The following HS3ST4 variants were observed in gnomAD, a reference collection of about 807,000 sequenced individuals.
HS3ST4 encodes the protein heparan sulfate glucosamine 3-O-sulfotransferase 4.
Under a neutral mutation model 29.2 loss-of-function variants are expected in HS3ST4, and 17 were observed. The observed-to-expected ratio is 0.58, with a 90% CI of 0.40 to 0.87. HS3ST4 has a LOEUF of 0.87. HS3ST4 is among the 40% of genes least tolerant of loss of function. HS3ST4 has a pLI of 0.00. For missense variants in HS3ST4, 627 were observed against 634.5 expected (o/e 0.99, Z 0.13); for synonymous variants, 314 against 285.7 (o/e 1.10, Z -1.00).
At chr16:25,808,475 T>C (rs1395152408) in intron 1 of HS3ST4, among the ~76,000 whole-genome samples, 1 of 152,216 alleles carries the variant, frequency 6.6e-6, no homozygotes, top group East Asian at 1.9e-4. Flanking sequence ...CACTGATTTA[T>C]GTGTTTATCC....
intron 1 of HS3ST4, among the ~76,000 whole-genome samples, chr16:25,812,952 T>C (rs1048125353): frequency 6.6e-6 from 1 of 152,210 alleles, no homozygotes; most frequent in African/African-American, 2.4e-5. Flanking sequence ...AAGAATTTTC[T>C]TGGTTCATGT....
intron 1 of HS3ST4, among the ~76,000 whole-genome samples, chr16:25,791,931 T>C (rs1389215540): frequency 6.6e-6 from 1 of 152,032 alleles, no homozygotes; most frequent in Non-Finnish European, 1.5e-5. Context: ...ACATCTTTAC[T>C]TGTCTCTTAT....
chr16:25,961,985 A>G (rs1204954708), intron 1 of HS3ST4, among the ~76,000 whole-genome samples: 1 of 152,228 alleles, frequency 6.6e-6, no homozygotes, highest in Non-Finnish European at 1.5e-5. Context: ...ATATTTAGAT[A>G]ATAAAAATCT....
intron 1 of HS3ST4, among the ~76,000 whole-genome samples, chr16:26,129,547 A>G (rs1899390147): frequency 6.6e-6 from 1 of 152,360 alleles, no homozygotes; most frequent in Middle Eastern, 3.4e-3. Context: ...TACTGCATTG[A>G]GAACTTACTC....
At chr16:26,046,539 C>A (rs998892834) in intron 1 of HS3ST4, among the ~76,000 whole-genome samples, 25 of 151,984 alleles carry the variant, frequency 1.6e-4, no homozygotes, top group African/African-American at 5.8e-4. Flanking sequence ...ACCTGTGGAC[C>A]CTTCACTTCA....
At chr16:25,693,256 G>T in intron 1 of HS3ST4, 105 bp downstream of exon 1, 1 of 1,271,818 alleles carries the variant, frequency 7.9e-7, no homozygotes, top group Non-Finnish European at 1.0e-6. Context: ...GTCCCGAGAG[G>T]CCCAAGCCCC....
In HS3ST4 at chr16:25,692,636, C is replaced by G. The variant is rs1226362277; in HGVS notation, c.219C>G (p.Ala73=). The part of the protein sequence containing the change: ...LALQESPGAA[A]EPPPSPPPPS... ...TGCAGGAGTCGCCGGGCGCCGCCGC[C>G]GAGCCCCCGCCGAGCCCGCCGCCAC... The change falls in exon 1 of 2, where the codon GCC becomes GCG. Residue 73 remains alanine, a synonymous_variant. Transcript: ENST00000331351. 3 of 1,359,698 alleles carry G rather than the reference C, an allele frequency of 2.2e-6. No homozygotes were observed. The highest frequency in any genetic ancestry group is 2.6e-5 in the Admixed American group (1 of 38,302). The allele number at this position is 1,359,698 out of a possible 1,614,324, so 84.2% of individuals were successfully genotyped here.
intron 1 of HS3ST4, among the ~76,000 whole-genome samples, chr16:25,789,860 A>T (rs1426895742): frequency 6.6e-6 from 1 of 152,204 alleles, no homozygotes; most frequent in Non-Finnish European, 1.5e-5. Flanking sequence ...CTGGTTTAAT[A>T]GTCCCACGTT....
chr16:25,769,291 C>T (rs1448470287), intron 1 of HS3ST4, among the ~76,000 whole-genome samples: 1 of 151,848 alleles, frequency 6.6e-6, no homozygotes, highest in Non-Finnish European at 1.5e-5. Flanking sequence ...TGTGTGTGCC[C>T]ACCATGTCAT....
At chr16:25,787,094 A>G (rs949345247) in intron 1 of HS3ST4, among the ~76,000 whole-genome samples, 6 of 152,216 alleles carry the variant, frequency 3.9e-5, no homozygotes, top group African/African-American at 1.4e-4. Flanking sequence ...TCTATTGGAA[A>G]AGGGTAATTT....
At chr16:25,842,785 G>A (rs2141645524) in intron 1 of HS3ST4, among the ~76,000 whole-genome samples, 1 of 152,232 alleles carries the variant, frequency 6.6e-6, no homozygotes, top group Non-Finnish European at 1.5e-5. Flanking sequence ...CTATTCCTGG[G>A]TGAGTGAGTG....
At chr16:26,019,202 C>T (rs2141745534) in intron 1 of HS3ST4, among the ~76,000 whole-genome samples, 1 of 152,194 alleles carries the variant, frequency 6.6e-6, no homozygotes, top group African/African-American at 2.4e-5. Context: ...ATATGAATGT[C>T]CAGGGGGGCA....
chr16:25,704,231 A>G (rs1966357699), intron 1 of HS3ST4, among the ~76,000 whole-genome samples: 1 of 151,876 alleles, frequency 6.6e-6, no homozygotes, highest in East Asian at 1.9e-4. Context: ...TTTTTCACAT[A>G]CTCTTTTTTT....
intron 1 of HS3ST4, among the ~76,000 whole-genome samples, chr16:26,032,087 G>A (rs1440482539): frequency 6.6e-6 from 1 of 152,212 alleles, no homozygotes; most frequent in Non-Finnish European, 1.5e-5. Context: ...TCACTGGAAA[G>A]TCCAGATTGC....
At chr16:25,747,246 C>T (rs1966690884) in intron 1 of HS3ST4, among the ~76,000 whole-genome samples, 1 of 152,206 alleles carries the variant, frequency 6.6e-6, no homozygotes, top group African/African-American at 2.4e-5. Context: ...CTGGTGACTA[C>T]TCCTCTTTCC....
chr16:26,117,905 A>G (rs960553378), intron 1 of HS3ST4, among the ~76,000 whole-genome samples: 2 of 152,226 alleles, frequency 1.3e-5, no homozygotes, highest in African/African-American at 2.4e-5. Flanking sequence ...CTTGATTCCA[A>G]GTGGGGAGGT....
chr16:25,755,521 A>G (rs954263119), intron 1 of HS3ST4, among the ~76,000 whole-genome samples: 3 of 152,088 alleles, frequency 2.0e-5, no homozygotes, highest in Admixed American at 6.6e-5. Flanking sequence ...GAGGATGGAG[A>G]ACTTCGTAGA....
chr16:25,701,547 TC>T (rs1966334884), intron 1 of HS3ST4, among the ~76,000 whole-genome samples: 1 of 152,054 alleles, frequency 6.6e-6, no homozygotes, highest in African/African-American at 2.4e-5. Context: ...TAAAGATCCA[TC>T]CCCGGCCAGG....
chr16:26,115,988 G>T (rs1178329709), intron 1 of HS3ST4, among the ~76,000 whole-genome samples: 1 of 152,216 alleles, frequency 6.6e-6, no homozygotes, highest in Non-Finnish European at 1.5e-5. Context: ...AAACGTAAGG[G>T]CTTAAAACAC....
Sources: allele counts gnomAD v4.1 joint callset (sites outside exome capture counted in the v4.1 genomes callset), GRCh38; gene constraint gnomAD v4.1.1; transcripts MANE v1.5; gene names NCBI Gene and HGNC (gene_info 2026-07-23, HGNC 2026-07-21).